Variants in NXPH1 observed in about 807,000 individuals in gnomAD.
The protein encoded by NXPH1 is neurexophilin-1.
NXPH1 carries 5 observed loss-of-function variants against 23.7 expected under a neutral mutation model. That is an observed-to-expected ratio of 0.21 (90% CI 0.11 to 0.44). The LOEUF is 0.44. Ranked by LOEUF, NXPH1 falls within the 20% of genes least tolerant of loss-of-function variation. NXPH1 has a pLI of 0.99. For missense variants in NXPH1, 324 were observed against 321.6 expected (o/e 1.01, Z -0.06); for synonymous variants, 144 against 122.2 (o/e 1.18, Z -1.18).
At chr7:8,471,014 T>A (rs17404218) in intron 2 of NXPH1, among the ~76,000 whole-genome samples, 3 of 151,850 alleles carry the variant, frequency 2.0e-5, no homozygotes, top group East Asian at 3.9e-4. Flanking sequence ...TAATTGGAAC[T>A]TCTTGGGTTT....
chr7:8,715,375 A>G (rs1779861209), intron 2 of NXPH1, among the ~76,000 whole-genome samples: 2 of 152,184 alleles, frequency 1.3e-5, no homozygotes, highest in Admixed American at 1.3e-4. Context: ...TTTCAGTGAT[A>G]TGAAGTTGAA....
At chr7:8,498,662 TTTATAG>T (rs1367724472) in intron 2 of NXPH1, among the ~76,000 whole-genome samples, 1 of 152,106 alleles carries the variant, frequency 6.6e-6, no homozygotes, top group Non-Finnish European at 1.5e-5. Flanking sequence ...GCATGATGGG[TTTATAG>T]ATACTGATAA....
At chr7:8,681,865 A>G (rs543020948) in intron 2 of NXPH1, among the ~76,000 whole-genome samples, 5 of 152,326 alleles carry the variant, frequency 3.3e-5, no homozygotes, top group African/African-American at 1.2e-4. Context: ...GGGAGGTTGT[A>G]GAAACTTGTC....
chr7:8,727,478 G>A (rs1175701922), intron 2 of NXPH1, among the ~76,000 whole-genome samples: 71 of 148,326 alleles, frequency 4.8e-4, no homozygotes, highest in South Asian at 8.6e-4. Context: ...TAGGTCTAAC[G>A]TTTAAGTCTT....
chr7:8,649,633 T>C (rs114878665), intron 2 of NXPH1, among the ~76,000 whole-genome samples: 1,706 of 152,328 alleles, frequency 0.011, 35 homozygotes, highest in African/African-American at 0.039. Context: ...CTATTGCAAG[T>C]GACCAAGGCC....
intron 2 of NXPH1, among the ~76,000 whole-genome samples, chr7:8,711,879 A>G (rs1466449588): frequency 6.6e-6 from 1 of 152,234 alleles, no homozygotes; most frequent in African/African-American, 2.4e-5. Context: ...GGATATGGTT[A>G]CAATAGGGAA....
intron 2 of NXPH1, among the ~76,000 whole-genome samples, chr7:8,741,411 C>T (rs1305744428): frequency 6.6e-6 from 1 of 151,956 alleles, no homozygotes; most frequent in African/African-American, 2.4e-5. Context: ...TGGATATAAA[C>T]CCAGAAGTGG....
intron 2 of NXPH1, among the ~76,000 whole-genome samples, chr7:8,453,346 C>T (rs1418470399): frequency 6.6e-6 from 1 of 152,046 alleles, no homozygotes; most frequent in Non-Finnish European, 1.5e-5. Context: ...AGACAAAAAA[C>T]CCACCCAAAC....
intron 2 of NXPH1, among the ~76,000 whole-genome samples, chr7:8,468,515 AT>A (rs1816820355): frequency 6.6e-6 from 1 of 151,996 alleles, no homozygotes; most frequent in Admixed American, 6.6e-5. Context: ...TTGGTTTTGA[AT>A]TTGTGTTGTG....
chr7:8,507,906 G>C (rs1205116800), intron 2 of NXPH1, among the ~76,000 whole-genome samples: 1 of 152,106 alleles, frequency 6.6e-6, no homozygotes, highest in Non-Finnish European at 1.5e-5. Flanking sequence ...CAGCCAGAGT[G>C]TTCTATTGAA....
intron 2 of NXPH1, among the ~76,000 whole-genome samples, chr7:8,638,503 T>A (rs1191956852): frequency 6.6e-6 from 1 of 152,138 alleles, no homozygotes; most frequent in African/African-American, 2.4e-5. Flanking sequence ...AAAGTTGTAA[T>A]CCACAGTAGA....
At chr7:8,537,324 A>G (rs1223684924) in intron 2 of NXPH1, among the ~76,000 whole-genome samples, 1 of 151,980 alleles carries the variant, frequency 6.6e-6, no homozygotes, top group African/African-American at 2.4e-5. Flanking sequence ...TTGCTAATAC[A>G]GGCATACTTG....
Position 8,532,470 on chromosome 7 carries a change from G to A in NXPH1, c.54+96703G>A, listed in dbSNP as rs896206498. On this transcript the variant is annotated intron_variant, in intron 2 of 2. Transcript: ENST00000405863. ...AAATTATCCTTTCATATTTTTTTTG[G>A]GGGGGGGGGAGGGGGCTGCTTTTTA... Among the ~76,000 whole-genome samples the A allele has an allele frequency of 4.4e-5, 6 of 137,378 alleles. No individual in the cohort carries two copies. In the East Asian group the frequency reaches 1.3e-3, roughly 29 times the overall value. The allele number at this position is 137,378 out of a possible 152,430, so 90.1% of individuals were successfully genotyped here.
At chr7:8,464,215 C>T (rs1054515281) in intron 2 of NXPH1, among the ~76,000 whole-genome samples, 4 of 152,082 alleles carry the variant, frequency 2.6e-5, no homozygotes, top group African/African-American at 7.2e-5. Context: ...CTTAGCCATC[C>T]CTAGACATCT....
chr7:8,489,032 G>A (rs1817206606), intron 2 of NXPH1, among the ~76,000 whole-genome samples: 1 of 152,122 alleles, frequency 6.6e-6, no homozygotes, highest in Non-Finnish European at 1.5e-5. Flanking sequence ...AGATAATTTT[G>A]TTCCTTGCAT....
intron 2 of NXPH1, among the ~76,000 whole-genome samples, chr7:8,682,233 C>G (rs1232015227): frequency 1.3e-5 from 2 of 152,182 alleles, no homozygotes; most frequent in South Asian, 2.1e-4. Context: ...TAAGTCTCTT[C>G]TGGCCTTAGA....
chr7:8,551,428 T>A (rs1192380283), intron 2 of NXPH1, among the ~76,000 whole-genome samples: 9 of 151,514 alleles, frequency 5.9e-5, no homozygotes. Context: ...GCCAGACTTT[T>A]AAAAATGAGA....
intron 2 of NXPH1, among the ~76,000 whole-genome samples, chr7:8,528,268 C>T (rs1266887305): frequency 6.6e-6 from 1 of 152,242 alleles, no homozygotes; most frequent in African/African-American, 2.4e-5. Flanking sequence ...TTGTGCCCTT[C>T]TCCATGGTAC....
At chr7:8,577,637 T>A (rs762854699) in intron 2 of NXPH1, among the ~76,000 whole-genome samples, 5 of 152,180 alleles carry the variant, frequency 3.3e-5, no homozygotes, top group South Asian at 2.1e-4. Flanking sequence ...GAAAATGACA[T>A]CATCTGTGGA....
Sources: allele counts gnomAD v4.1 joint callset (sites outside exome capture counted in the v4.1 genomes callset), GRCh38; gene constraint gnomAD v4.1.1; transcripts MANE v1.5; gene names NCBI Gene and HGNC (gene_info 2026-07-23, HGNC 2026-07-21).